Variants in ANK3 observed in about 807,000 individuals in gnomAD.
ANK3 encodes the protein ankyrin 3.
ANK3 carries 57 observed loss-of-function variants against 370.9 expected under a neutral mutation model. The ratio of observed to expected loss-of-function variants is 0.15; its 90% CI spans 0.12 to 0.19. The LOEUF (loss-of-function observed/expected upper bound fraction) is 0.19, where lower values mean the gene tolerates loss of function less well. Ranked by LOEUF, ANK3 falls within the 10% of genes least tolerant of loss-of-function variation. ANK3 has a pLI of 1.00. For missense variants in ANK3, 4,439 were observed against 5,302.1 expected, an observed-to-expected ratio of 0.84 and a Z score of 5.06; for synonymous variants, 1,929 against 1,946.3, an observed-to-expected ratio of 0.99 and a Z score of 0.23.
intron 2 of ANK3, among the ~76,000 whole-genome samples, chr10:60,598,402 C>G (rs1035585298): frequency 1.3e-5 from 2 of 152,136 alleles, no homozygotes; most frequent in Non-Finnish European, 2.9e-5. Context: ...TAAATTGTAC[C>G]TATCTTGCCT....
At chr10:60,493,992 C>T (rs1048267437) in intron 2 of ANK3, among the ~76,000 whole-genome samples, 3 of 152,068 alleles carry the variant, frequency 2.0e-5, no homozygotes, top group Non-Finnish European at 4.4e-5. Flanking sequence ...CTGCTAGCAA[C>T]TAGGAGAGAT....
intron 1 of ANK3, among the ~76,000 whole-genome samples, chr10:60,724,209 CAAAAAAAAAA>C (rs398013720): frequency 3.7e-5 from 2 of 54,620 alleles, no homozygotes; most frequent in South Asian, 9.2e-4. Flanking sequence ...GACTCCGTCT[CAAAAAAAAAA>C]AAAAAAAAAA....
intron 23 of ANK3, among the ~76,000 whole-genome samples, chr10:60,164,573 G>C (rs1368753080): frequency 6.6e-6 from 1 of 151,838 alleles, no homozygotes; most frequent in Non-Finnish European, 1.5e-5. Context: ...GGCAGCTTTT[G>C]TTCAAAATAC....
chr10:60,363,092 G>T, intron 1 of ANK3, among the ~76,000 whole-genome samples: 1 of 142,382 alleles, frequency 7.0e-6, no homozygotes, highest in African/African-American at 2.5e-5. Flanking sequence ...GCGGGGGAGG[G>T]GGGCGGGGGG....
chr10:60,180,519 G>C (rs1320691372), intron 18 of ANK3, among the ~76,000 whole-genome samples: 1 of 149,872 alleles, frequency 6.7e-6, no homozygotes, highest in Admixed American at 6.7e-5. Flanking sequence ...TTGCTTGAAC[G>C]TGGGAGGTGG....
chr10:60,301,280 GCA>G (rs2043699932), intron 1 of ANK3, among the ~76,000 whole-genome samples: 1 of 137,934 alleles, frequency 7.2e-6, no homozygotes, highest in African/African-American at 2.7e-5. Context: ...ATATACACAC[GCA>G]CACATATACA....
At chr10:60,259,091 C>G (rs1162144388) in intron 7 of ANK3, among the ~76,000 whole-genome samples, 2 of 152,154 alleles carry the variant, frequency 1.3e-5, no homozygotes, top group African/African-American at 4.8e-5. Context: ...GAACTATGAC[C>G]TAGAAAGACT....
At chr10:60,571,816 A>G (rs1367496056) in intron 2 of ANK3, among the ~76,000 whole-genome samples, 1 of 152,218 alleles carries the variant, frequency 6.6e-6, no homozygotes, top group Non-Finnish European at 1.5e-5. Context: ...AAGAAAACCA[A>G]AATGAATCTA....
intron 2 of ANK3, among the ~76,000 whole-genome samples, chr10:60,583,806 G>A (rs1360265109): frequency 6.6e-6 from 1 of 151,852 alleles, no homozygotes; most frequent in Non-Finnish European, 1.5e-5. Context: ...GATTGGTCTC[G>A]AACTCCTGAC....
chr10:60,198,561 A>C (rs986358240), intron 13 of ANK3, 24 bp from the exon 14 acceptor site: 1 of 1,607,300 alleles, frequency 6.2e-7, no homozygotes, highest in African/African-American at 1.3e-5. Flanking sequence ...TAGAAATGTA[A>C]GGCTGATGAG....
At chr10:60,245,413 A>G (rs1007856549) in intron 7 of ANK3, among the ~76,000 whole-genome samples, 15 of 152,316 alleles carry the variant, frequency 9.8e-5, no homozygotes, top group African/African-American at 2.6e-4. Context: ...TTCCATTCAT[A>G]AGGATGTGCA....
intron 5 of ANK3, among the ~76,000 whole-genome samples, chr10:60,264,901 C>A (rs1004896989): frequency 6.6e-6 from 1 of 151,982 alleles, no homozygotes; most frequent in Non-Finnish European, 1.5e-5. Flanking sequence ...GCTTCTGTGA[C>A]CATTGAGAGA....
intron 23 of ANK3, among the ~76,000 whole-genome samples, chr10:60,142,180 C>A (rs147365179): frequency 6.6e-6 from 1 of 152,312 alleles, no homozygotes; most frequent in East Asian, 1.9e-4. Context: ...CCACACCCAC[C>A]TTCCCTCCTG....
chr10:60,599,166 A>G (rs908358316), intron 2 of ANK3, among the ~76,000 whole-genome samples: 27 of 152,104 alleles, frequency 1.8e-4, no homozygotes, highest in Non-Finnish European at 3.1e-4. Flanking sequence ...CCTGAGCTCA[A>G]GTGATCCTCT....
intron 36 of ANK3, among the ~76,000 whole-genome samples, chr10:60,077,827 C>T (rs1017114940): frequency 6.6e-6 from 1 of 152,176 alleles, no homozygotes; most frequent in Non-Finnish European, 1.5e-5. Flanking sequence ...CCATAATATT[C>T]ATGGGACTTA....
intron 23 of ANK3, chr10:60,141,121 T>C (rs1590726781): frequency 1.5e-6 from 1 of 674,906 alleles, no homozygotes; most frequent in Non-Finnish European, 1.8e-6. Flanking sequence ...AAACTGGGGC[T>C]AAGGAAAGCA....
chr10:60,069,412 T>G lies in ANK3; in HGVS notation c.11469A>C (p.Pro3823=). The G allele has an allele frequency of 6.2e-7, 1 of 1,614,028 alleles. No individual in the cohort carries two copies. Among genetic ancestry groups the G allele is most frequent in the Non-Finnish European group, 8.5e-7 (1 of 1,179,988 alleles). The part of the protein sequence containing the change: ...APTCTTEKDN[P]VKVSSGKKTG... The stretch of plus-strand genomic sequence containing the variant: ...TCTTTTTTCCTGATGAGACTTTCAC[T>G]GGGTTATCTTTCTCTGTGGTACAAG... The change falls in exon 37 of 44, where the codon CCA becomes CCC. Residue 3823 remains proline, a synonymous_variant. Transcript: ENST00000280772.
chr10:60,046,116 G>C (rs1179792700), intron 42 of ANK3, among the ~76,000 whole-genome samples: 1 of 152,196 alleles, frequency 6.6e-6, no homozygotes. Flanking sequence ...GCAGTGAAGA[G>C]AGGGGAGAAA....
intron 2 of ANK3, chr10:60,572,855 G>C (rs1040014327): frequency 3.5e-5 from 37 of 1,069,934 alleles, no homozygotes; most frequent in Non-Finnish European, 4.1e-5. Flanking sequence ...TTTGTTGCTT[G>C]TTCCTCCACA....
Sources: allele counts gnomAD v4.1 joint callset (sites outside exome capture counted in the v4.1 genomes callset), GRCh38; gene constraint gnomAD v4.1.1; transcripts MANE v1.5; gene names NCBI Gene and HGNC (gene_info 2026-07-23, HGNC 2026-07-21).